The following CACNA1H variants were observed in gnomAD, a reference collection of about 807,000 sequenced individuals.
CACNA1H encodes calcium voltage-gated channel subunit alpha1 H, also known as voltage-dependent T-type calcium channel subunit alpha-1H.
Under a neutral mutation model 192.5 loss-of-function variants are expected in CACNA1H, and 149 were observed. That is an observed-to-expected ratio of 0.77 (90% CI 0.68 to 0.89). CACNA1H has a LOEUF of 0.89. CACNA1H is among the 40% of genes least tolerant of loss of function. The probability of loss-of-function intolerance (pLI) is 0.00; values close to 1 mark genes in which losing one functional copy is unlikely to be tolerated. For missense variants in CACNA1H, 4,257 were observed against 3,423.5 expected, an observed-to-expected ratio of 1.24 and a Z score of -6.08; for synonymous variants, 2,202 against 1,475.2, an observed-to-expected ratio of 1.49 and a Z score of -11.29.
chr16:1,209,511 G>A (rs1969172408), intron 17 of CACNA1H, 99 bp downstream of exon 17: 2 of 1,434,292 alleles, frequency 1.4e-6, no homozygotes, highest in African/African-American at 1.4e-5. Context: ...GCGTGTTGTT[G>A]ACTGAGGGGA....
Position 1,208,142 on chromosome 16 carries a change from A to G in CACNA1H, c.3284A>G (p.Asp1095Gly), listed in dbSNP as rs1421128162. 6.3e-7 allele frequency: 1 copy of G among 1,585,654 alleles called. No individual in the cohort carries two copies. Among genetic ancestry groups the G allele is most frequent in the South Asian group, 1.2e-5 (1 of 86,636 alleles). Residue 1095 changes from aspartate (D) to glycine (G), a missense_variant, in exon 16 of 35, where the codon GAT becomes GGT. Physicochemically the swap from Asp to Gly is moderately conservative, Grantham distance 94. Coordinates refer to ENST00000348261, the MANE Select transcript of CACNA1H (RefSeq NM_021098.3). ...MPTPKSSPFL[D>G]AAPSLPDSRR... ...ACCCCCAAGAGCTCACCATTCCTGG[A>G]TGCAGCCCCCAGCCTCCCAGACTCT...
At chr16:1,208,831 G>A (rs769038192) in intron 16 of CACNA1H, among the ~76,000 whole-genome samples, 1 of 152,180 alleles carries the variant, frequency 6.6e-6, no homozygotes, top group Non-Finnish European at 1.5e-5. Context: ...TCACCCCCGC[G>A]AGGCGGACAC....
rs57329732 is a variant in CACNA1H at position 1,201,997 on chromosome 16, A to T, written c.1547A>T (p.His516Leu). 6.5e-7 allele frequency: 1 copy of T among 1,539,180 alleles called. No homozygotes were observed. Among genetic ancestry groups the T allele is most frequent in the Non-Finnish European group, 8.7e-7 (1 of 1,143,626 alleles). Reference protein sequence around the residue: ...RAGRHTASVHHLVYHHHHHHH... With the variant: ...RAGRHTASVHLLVYHHHHHHH... ...GGCAGGCACACAGCCTCGGTGCACC[A>T]CCTGGTCTACCACCACCATCACCAC... The change falls in exon 9 of 35, where the codon CAC (histidine) becomes CTC (leucine). Residue 516 changes from histidine (H) to leucine (L), a missense_variant. Coordinates refer to ENST00000348261, the MANE Select transcript of CACNA1H (RefSeq NM_021098.3).
rs1015123563 is a variant in CACNA1H at position 1,213,873 on chromosome 16, C to T, written c.4871C>T (p.Thr1624Ile). 9 of 1,611,288 alleles carry T rather than the reference C, an allele frequency of 5.6e-6. No individual in the cohort carries two copies. In the Middle Eastern group the frequency reaches 4.9e-4, roughly 88 times the overall value. The change falls in exon 27 of 35, where the codon ACC becomes ATC. Residue 1624 changes from threonine to isoleucine, a missense_variant. Transcript: ENST00000348261. ...AGCCACTATCTCGACCTCTTCATCA[C>T]CTTCATCATCTGTGTCAACGTCATC... The part of the protein sequence containing the change: ...CTSHYLDLFI[T>I]FIICVNVITM...
chr16:1,209,518 G>C (rs987195105), intron 17 of CACNA1H, 106 bp downstream of exon 17: 1 of 1,406,518 alleles, frequency 7.1e-7, no homozygotes, highest in Admixed American at 1.9e-5. Flanking sequence ...GTTGACTGAG[G>C]GGATTCAGAA....
chr16:1,181,577 C>T (rs545413718), intron 2 of CACNA1H, among the ~76,000 whole-genome samples: 2 of 152,348 alleles, frequency 1.3e-5, no homozygotes, highest in South Asian at 2.1e-4. Flanking sequence ...CTTTTCCACT[C>T]AATTATGCCT....
chr16:1,212,230 C>G, intron 25 of CACNA1H, 92 bp downstream of exon 25: 1 of 1,472,070 alleles, frequency 6.8e-7, no homozygotes, highest in Non-Finnish European at 9.0e-7. Flanking sequence ...CCGGCCTCCC[C>G]GAATGGCTCT....
At chr16:1,207,977 C>T (rs374867497) in intron 15 of CACNA1H, 36 bp from the exon 16 acceptor site, 18 of 1,564,674 alleles carry the variant, frequency 1.2e-5, no homozygotes, top group African/African-American at 2.7e-5. Context: ...GGGAGCCTGG[C>T]AGCTCTAGGG....
intron 2 of CACNA1H, 38 bp from the exon 3 acceptor site, chr16:1,194,934 C>A: frequency 6.6e-7 from 1 of 1,504,302 alleles, no homozygotes. Flanking sequence ...GAGCGGGTCC[C>A]GGGCCGCGCC....
intron 34 of CACNA1H, 41 bp from the exon 35 acceptor site, chr16:1,219,940 C>T: frequency 7.9e-7 from 1 of 1,266,462 alleles, no homozygotes; most frequent in East Asian, 3.1e-5. Context: ...ACAGGGCTCT[C>T]CCAGGGCCCC....
At chr16:1,213,727 C>T in intron 26 of CACNA1H, 53 bp from the exon 27 acceptor site, 1 of 1,419,608 alleles carries the variant, frequency 7.0e-7, no homozygotes, top group Non-Finnish European at 9.3e-7. Context: ...CTGCAGGAGC[C>T]AGGAGCGCCG....
intron 18 of CACNA1H, 94 bp from the exon 19 acceptor site, chr16:1,210,276 A>T: frequency 1.6e-6 from 2 of 1,271,914 alleles, no homozygotes; most frequent in Non-Finnish European, 2.2e-6. Flanking sequence ...ACCGGGGCTG[A>T]AGTGGAGGCG....
intron 5 of CACNA1H, among the ~76,000 whole-genome samples, chr16:1,198,087 A>T (rs1596390969): frequency 6.6e-6 from 1 of 152,080 alleles, no homozygotes. Flanking sequence ...AGGATCCCAG[A>T]CCTGCTGCAG....
chr16:1,218,274 C>T lies in CACNA1H; in HGVS notation c.5510C>T (p.Pro1837Leu). 6.4e-7 allele frequency: 1 copy of T among 1,552,240 alleles called. No homozygotes were observed. Among genetic ancestry groups the T allele is most frequent in the South Asian group, 1.2e-5 (1 of 84,118 alleles). Reference protein sequence around the residue: ...HCLSYLPALSPVYFVTFVLVA... With the variant: ...HCLSYLPALSLVYFVTFVLVA... ...CTGAGCTACCTGCCGGCCCTGTCGC[C>T]CGTCTACTTCGTGACCTTCGTGCTG... Residue 1837 changes from proline (P) to leucine (L), a missense_variant, in exon 33 of 35, where the codon CCC becomes CTC. Coordinates refer to ENST00000348261, the MANE Select transcript of CACNA1H (RefSeq NM_021098.3).
At chr16:1,187,749 C>G (rs191472762) in intron 2 of CACNA1H, among the ~76,000 whole-genome samples, 1 of 152,316 alleles carries the variant, frequency 6.6e-6, no homozygotes, top group African/African-American at 2.4e-5. Context: ...CTGGAGACGT[C>G]CATCCCTTCG....
intron 34 of CACNA1H, 46 bp downstream of exon 34, chr16:1,219,176 G>GA (rs1244997491): frequency 6.8e-7 from 1 of 1,469,358 alleles, no homozygotes. Context: ...GGGGATGGGG[G>GA]GCTTGCAGGG....
chr16:1,221,006 G>C lies in CACNA1H; in HGVS notation c.*12G>C. The C allele has an allele frequency of 6.4e-7, 1 of 1,552,008 alleles. No homozygotes were observed. The highest frequency in any genetic ancestry group is 8.7e-7 in the Non-Finnish European group (1 of 1,152,882). ...ATGACCCCGTGTAGCTCGGGGCTTG[G>C]TGCCGCCCACGGCTTTGGCCCTGGG... On this transcript the variant is annotated 3_prime_UTR_variant, in exon 35 of 35. Coordinates refer to ENST00000348261, the MANE Select transcript of CACNA1H (RefSeq NM_021098.3).
intron 2 of CACNA1H, among the ~76,000 whole-genome samples, chr16:1,181,790 G>A (rs768935386): frequency 6.6e-6 from 1 of 151,502 alleles, no homozygotes; most frequent in Non-Finnish European, 1.5e-5. Context: ...GAAGAGGGCT[G>A]TGTGTGAGTT....
chr16:1,208,326 C>T (rs1168134854), intron 16 of CACNA1H, 105 bp downstream of exon 16: 4 of 770,712 alleles, frequency 5.2e-6, no homozygotes, highest in South Asian at 3.1e-5. Flanking sequence ...CCCCCACACC[C>T]TTGAAGTCCC....
Sources: gnomAD v4.1 joint callset for allele counts (sites outside exome capture counted in the v4.1 genomes callset) on GRCh38, gnomAD v4.1.1 for gene constraint, MANE v1.5 for transcripts, NCBI Gene and HGNC (gene_info 2026-07-23, HGNC 2026-07-21) for gene names.